Variants in SYNM observed in about 807,000 individuals in gnomAD.
The protein encoded by SYNM is synemin.
Under a neutral mutation model 104.0 loss-of-function variants are expected in SYNM, and 95 were observed. The ratio of observed to expected loss-of-function variants is 0.91; its 90% CI spans 0.77 to 1.08. The LOEUF (loss-of-function observed/expected upper bound fraction) is 1.08. SYNM is among the 50% of genes least tolerant of loss of function. SYNM has a pLI of 0.00. For missense variants in SYNM, 2,150 were observed against 2,052.2 expected (o/e 1.05, Z -0.92); for synonymous variants, 918 against 869.0 (o/e 1.06, Z -0.99).
chr15:99,106,118 G>A, intron 1 of SYNM, 109 bp downstream of exon 1: 5 of 1,191,168 alleles, frequency 4.2e-6, no homozygotes, highest in Middle Eastern at 3.0e-4. Flanking sequence ...GCGGCGTCGC[G>A]GACCGGTAGG....
At chr15:99,125,653 G>A (rs951807008) in intron 2 of SYNM, among the ~76,000 whole-genome samples, 2 of 152,228 alleles carry the variant, frequency 1.3e-5, no homozygotes, top group South Asian at 2.1e-4. Flanking sequence ...GTCCCTGCTC[G>A]GGTGTGGGCA....
chr15:99,124,756 T>G (rs1339381793), intron 2 of SYNM, among the ~76,000 whole-genome samples: 10 of 152,206 alleles, frequency 6.6e-5, no homozygotes, highest in African/African-American at 2.4e-4. Context: ...ACCAAGACGC[T>G]GTCTCTGCAC....
Position 99,126,731 on chromosome 15 carries a change from G to A in SYNM, c.945G>A (p.Leu315=). 6.3e-7 allele frequency: 1 copy of A among 1,579,020 alleles called. No individual in the cohort carries two copies. Among genetic ancestry groups the A allele is most frequent in the Non-Finnish European group, 8.6e-7 (1 of 1,161,560 alleles). ...SLEVATYRAL[L]EGESNPEIVI... ...TAAATTATTTTTACAGGGCCTTATT[G>A]GAAGGAGAAAGTAATCCAGAGATAG... Residue 315 remains leucine (L), a synonymous_variant, in exon 3 of 4, where the codon TTG becomes TTA. Transcript: ENST00000336292.
rs190480828 is a variant in SYNM at position 99,133,722 on chromosome 15, A to G, written c.*664A>G. ...CAGCTGTAGTCTGTTGTGATATTTC[A>G]CATTCTATTTGCACAGGTTCCCTGG... On this transcript the variant is annotated 3_prime_UTR_variant, in exon 4 of 4. Transcript: ENST00000336292. The G allele has an allele frequency of 6.5e-6, 1 of 153,380 alleles. No homozygotes were observed. The highest frequency in any genetic ancestry group is 1.9e-4 in the East Asian group (1 of 5,196). 9.5% of individuals were successfully genotyped at this position (153,380 alleles called of 1,614,324 possible).
Position 99,131,580 on chromosome 15 carries a change from T to C in SYNM, c.3220T>C (p.Tyr1074His), listed in dbSNP as rs2067508429. 3 of 1,609,718 alleles carry C rather than the reference T, an allele frequency of 1.9e-6. No individual in the cohort carries two copies. The change falls in exon 4 of 4, where the codon TAC becomes CAC. Residue 1074 changes from tyrosine (Y) to histidine (H), a missense_variant. Physicochemically the swap from Tyr to His is moderately conservative, Grantham distance 83 (BLOSUM62 2). Transcript: ENST00000336292. The surrounding 1 kb of genome is among the most constrained non-coding windows in gnomAD (Gnocchi z 4.3). The part of the protein sequence containing the change: ...RFRRWATREL[Y>H]IPSGESEVAG... ...TAGGCGTTGGGCCACCCGGGAGCTG[T>C]ACATCCCTTCAGGCGAGAGCGAGGT...
At chr15:99,121,599 G>A (rs889444246) in intron 2 of SYNM, among the ~76,000 whole-genome samples, 1 of 152,188 alleles carries the variant, frequency 6.6e-6, no homozygotes, top group East Asian at 1.9e-4. Context: ...AACCTGCAGC[G>A]CCCCAAACCC....
chr15:99,129,344 A>T (rs1299671953), intron 3 of SYNM, 23 bp from the exon 4 acceptor site: 1 of 1,603,914 alleles, frequency 6.2e-7, no homozygotes, highest in South Asian at 1.1e-5. Flanking sequence ...CATTTTAATG[A>T]ATGCTTTGTT....
chr15:99,128,199 A>G (rs1375922298), intron 3 of SYNM, among the ~76,000 whole-genome samples: 2 of 152,252 alleles, frequency 1.3e-5, no homozygotes. Context: ...GTAAATATAC[A>G]GATAAGTTCC....
chr15:99,116,891 G>T (rs2151802310), intron 2 of SYNM, among the ~76,000 whole-genome samples: 1 of 143,360 alleles, frequency 7.0e-6, no homozygotes, highest in East Asian at 2.3e-4. Flanking sequence ...TGGCCAGGCT[G>T]GTATTGAACT....
chr15:99,131,760 G>C lies in SYNM; in HGVS notation c.3400G>C (p.Val1134Leu). 1.2e-6 allele frequency: 2 copies of C among 1,614,000 alleles called. No homozygotes were observed. The highest frequency in any genetic ancestry group is 1.7e-6 in the Non-Finnish European group (2 of 1,179,902). The change falls in exon 4 of 4, where the codon GTC becomes CTC. Residue 1134 changes from valine (V) to leucine (L), a missense_variant. By Grantham distance (32) the Val-to-Leu change is conservative. Coordinates refer to ENST00000336292, the MANE Select transcript of SYNM (RefSeq NM_145728.3). This position sits in a 1 kb window ranked among gnomAD's most constrained non-coding sequence, Gnocchi z 4.3. ...ARHIKLGPSE[V>L]WRTERMSYEG... ...GCACATAAAACTCGGCCCCTCTGAAGTCTGGAGGACTGAGCGAATGTCATA... is the reference window on the plus strand; with the variant it reads ...GCACATAAAACTCGGCCCCTCTGAACTCTGGAGGACTGAGCGAATGTCATA...
chr15:99,110,600 G>T (rs1385776118), intron 1 of SYNM, among the ~76,000 whole-genome samples: 3 of 152,244 alleles, frequency 2.0e-5, no homozygotes, highest in African/African-American at 7.2e-5. Context: ...TACCTTTCAA[G>T]GTTGCAAATG....
downstream of SYNM, among the ~76,000 whole-genome samples, chr15:99,138,692 C>A (rs1018646456): frequency 4.6e-5 from 7 of 152,206 alleles, no homozygotes; most frequent in African/African-American, 1.4e-4. Context: ...GTGAGCAGGA[C>A]ATGGGTGAGG....
chr15:99,107,525 C>G (rs782311383), intron 1 of SYNM, among the ~76,000 whole-genome samples: 2 of 152,208 alleles, frequency 1.3e-5, no homozygotes, highest in African/African-American at 2.4e-5. Context: ...CTTTGAGCCA[C>G]GCTGTGTGGA....
At position 99,130,107 on chromosome 15, in the gene SYNM, G is replaced by A. The variant is rs781935697; in HGVS notation, c.1747G>A (p.Val583Ile). ...REREVPISLE[V>I]SQDRRAEVSP... Reference sequence around the variant, plus strand: ...GAGAGAGGTGCCGATTAGTCTAGAAGTATCCCAGGACAGAAGAGCAGAGGT... The same window carrying A: ...GAGAGAGGTGCCGATTAGTCTAGAAATATCCCAGGACAGAAGAGCAGAGGT... Residue 583 changes from valine to isoleucine, a missense_variant, in exon 4 of 4, where the codon GTA (valine) becomes ATA (isoleucine). Physicochemically the swap from Val to Ile is conservative, Grantham distance 29. Coordinates refer to ENST00000336292, the MANE Select transcript of SYNM (RefSeq NM_145728.3). 21 of 1,613,848 alleles carry A rather than the reference G, an allele frequency of 1.3e-5. No homozygotes were observed. Among genetic ancestry groups the A allele is most frequent in the Non-Finnish European group, 1.6e-5 (19 of 1,179,910 alleles).
intron 2 of SYNM, among the ~76,000 whole-genome samples, chr15:99,124,106 C>T (rs974047518): frequency 5.3e-5 from 8 of 152,216 alleles, no homozygotes; most frequent in Non-Finnish European, 1.2e-4. Flanking sequence ...TAGCCCATGA[C>T]TCAGGGGATT....
rs782085363 is a variant in SYNM at position 99,129,663 on chromosome 15, T to G, written c.1303T>G (p.Leu435Val). Residue 435 changes from leucine (L) to valine (V), a missense_variant, in exon 4 of 4, where the codon TTA (leucine) becomes GTA (valine). Physicochemically the swap from Leu to Val is conservative, Grantham distance 32. Coordinates refer to ENST00000336292, the MANE Select transcript of SYNM (RefSeq NM_145728.3). ...AACTTTCTCTCCAACCTATGGCCTTTTAAGAAATACTGAGGCTCAAGTGAA... is the reference window on the plus strand; with the variant it reads ...AACTTTCTCTCCAACCTATGGCCTTGTAAGAAATACTGAGGCTCAAGTGAA... ...VRTFSPTYGL[L>V]RNTEAQVKTF... The G allele has an allele frequency of 3.7e-6, 6 of 1,613,906 alleles. No homozygotes were observed. Among genetic ancestry groups the G allele is most frequent in the Non-Finnish European group, 3.4e-6 (4 of 1,179,888 alleles).
In SYNM at chr15:99,131,150, C is replaced by G; in HGVS notation, c.2790C>G (p.Pro930=). ...PTVIEKEIKI[P]HEFHTSMKGI... ...TCATTGAAAAAGAAATTAAAATACC[C>G]CACGAATTCCACACCTCCATGAAGG... is the stretch of plus-strand genomic sequence containing the variant. Residue 930 remains proline, a synonymous_variant, in exon 4 of 4, where the codon CCC becomes CCG. Coordinates refer to ENST00000336292, the MANE Select transcript of SYNM (RefSeq NM_145728.3). This position sits in a 1 kb window ranked among gnomAD's most constrained non-coding sequence, Gnocchi z 4.3. 6.2e-7 allele frequency: 1 copy of G among 1,601,032 alleles called. No individual in the cohort carries two copies. The highest frequency in any genetic ancestry group is 8.5e-7 in the Non-Finnish European group (1 of 1,173,712).
Position 99,130,856 on chromosome 15 carries a change from G to A in SYNM, c.2496G>A (p.Val832=), listed in dbSNP as rs782727261. 2 of 1,614,002 alleles carry A rather than the reference G, an allele frequency of 1.2e-6. No homozygotes were observed. Among genetic ancestry groups the A allele is most frequent in the South Asian group, 1.1e-5 (1 of 91,074 alleles). Residue 832 remains valine, a synonymous_variant, in exon 4 of 4, where the codon GTG becomes GTA. Coordinates refer to ENST00000336292, the MANE Select transcript of SYNM (RefSeq NM_145728.3). ...GDSEGEQSYF[V]STPDEHPGGH... ...CAGAGGGCGAGCAGAGTTATTTTGTGTCCACTCCAGATGAACACCCCGGGG... is the reference window on the plus strand; with the variant it reads ...CAGAGGGCGAGCAGAGTTATTTTGTATCCACTCCAGATGAACACCCCGGGG...
Position 99,132,160 on chromosome 15 carries a change from T to A in SYNM, c.3800T>A (p.Leu1267Ter). Reference sequence around the variant, plus strand: ...CAGACTTCTGTCAGGCAACTCCAGTTAGGCCCTAAAGAAGGGTTCAGTGGG... The same window carrying A: ...CAGACTTCTGTCAGGCAACTCCAGTAAGGCCCTAAAGAAGGGTTCAGTGGG... ...GTQTSVRQLQ[L>*]GPKEGFSGQI... Residue 1267 changes from leucine (L) to a stop codon, truncating the protein, a stop_gained, in exon 4 of 4, where the codon TTA becomes TAA. Coordinates refer to ENST00000336292, the MANE Select transcript of SYNM (RefSeq NM_145728.3). LOFTEE classifies it high-confidence loss of function. The A allele has an allele frequency of 1.2e-6, 2 of 1,613,936 alleles. No individual in the cohort carries two copies. Among genetic ancestry groups the A allele is most frequent in the Non-Finnish European group, 1.7e-6 (2 of 1,179,830 alleles).
Sources: gnomAD v4.1 joint callset for allele counts (sites outside exome capture counted in the v4.1 genomes callset) on GRCh38, gnomAD v4.1.1 for gene constraint, Gnocchi (gnomAD v3.1) non-coding constraint, MANE v1.5 for transcripts, NCBI Gene and HGNC (gene_info 2026-07-23, HGNC 2026-07-21) for gene names.